ILKAP: variants seen among roughly 807,000 people sequenced by gnomAD.
The protein encoded by ILKAP is integrin-linked kinase-associated serine/threonine phosphatase 2C.
In ILKAP, 11 loss-of-function variants were observed where a neutral mutation model predicts 49.1. The observed-to-expected ratio is 0.22, with a 90% CI of 0.14 to 0.37. The LOEUF (loss-of-function observed/expected upper bound fraction) is 0.37. Among genes scored for constraint, ILKAP ranks in the 10% least tolerant of loss-of-function variants. ILKAP has a pLI of 1.00. For missense variants in ILKAP, 363 were observed against 510.8 expected (o/e 0.71, Z 2.79); for synonymous variants, 186 against 192.8 (o/e 0.96, Z 0.29).
rs536812517 is a variant in ILKAP, at chr2:238,193,298, G to A, written c.178+977C>T. On this transcript the variant is annotated intron_variant, in intron 3 of 11. Coordinates refer to ENST00000254654, the MANE Select transcript of ILKAP (RefSeq NM_030768.3). ...TGCAATGGCGTGATCTCAGCTCACT[G>A]CAACCTCTGCCTCCTGGGTTCAAGC... Among the ~76,000 whole-genome samples, 89 of 152,170 alleles carry A rather than the reference G, an allele frequency of 5.8e-4. 2 individuals are homozygous for A. In the South Asian group the frequency reaches 0.019, roughly 32 times the overall value.
rs1183041782 is a variant in ILKAP at position 238,203,648 on chromosome 2, G to A, written c.-95C>T. ...CCCGGGCGGGCGGCAGCAGCGGGCG[G>A]GCGACGGGCAGGGGCGGCCGGCGCC... On this transcript the variant is annotated 5_prime_UTR_variant, in exon 1 of 12. Coordinates refer to ENST00000254654, the MANE Select transcript of ILKAP (RefSeq NM_030768.3). The A allele has an allele frequency of 9.5e-6, 7 of 740,584 alleles. No individual in the cohort carries two copies. In the East Asian group the frequency reaches 1.6e-4, roughly 16 times the overall value. The allele number at this position is 740,584 out of a possible 1,614,324, so 45.9% of individuals were successfully genotyped here. A position where few individuals can be genotyped will look rare whatever the true frequency, so the allele number is the denominator to read the frequency against.
At chr2:238,183,582 C>G in intron 8 of ILKAP, 71 bp downstream of exon 8, 1 of 1,066,722 alleles carries the variant, frequency 9.4e-7, no homozygotes, top group Admixed American at 2.0e-5. Flanking sequence ...TCTTATTCAA[C>G]AAGTACGTGC....
chr2:238,175,929 G>A (rs915696760), intron 9 of ILKAP, among the ~76,000 whole-genome samples: 23 of 151,554 alleles, frequency 1.5e-4, no homozygotes, highest in East Asian at 5.9e-4. Context: ...GACTACAGGC[G>A]CATGCCACCA....
chr2:238,199,337 G>C (rs2106342119), intron 1 of ILKAP, among the ~76,000 whole-genome samples: 1 of 152,298 alleles, frequency 6.6e-6, no homozygotes, highest in Non-Finnish European at 1.5e-5. Flanking sequence ...TCTGATAGAA[G>C]CCAAAATCTG....
intron 1 of ILKAP, among the ~76,000 whole-genome samples, chr2:238,197,138 G>T (rs1372051474): frequency 2.0e-5 from 3 of 152,216 alleles, no homozygotes; most frequent in Non-Finnish European, 4.4e-5. Context: ...GGAGGTTGCG[G>T]TGAGCTGAGA....
intron 9 of ILKAP, among the ~76,000 whole-genome samples, chr2:238,181,114 A>ACT (rs1693674742): frequency 6.6e-6 from 1 of 152,094 alleles, no homozygotes; most frequent in Non-Finnish European, 1.5e-5. Context: ...GGTTCCAACT[A>ACT]CTCTCCAGAA....
intron 4 of ILKAP, among the ~76,000 whole-genome samples, chr2:238,189,263 CGA>C (rs1283278469): frequency 6.6e-6 from 1 of 151,382 alleles, no homozygotes; most frequent in Non-Finnish European, 1.5e-5. Context: ...TGCAGTGAGC[CGA>C]GATGGTGCCA....
chr2:238,195,761 C>T (rs1258850848), intron 1 of ILKAP, among the ~76,000 whole-genome samples: 4 of 152,088 alleles, frequency 2.6e-5, no homozygotes, highest in Admixed American at 2.0e-4. Flanking sequence ...TGCTCATTTA[C>T]GCCAGGCGCA....
At chr2:238,190,998 A>G (rs1222841287) in intron 3 of ILKAP, among the ~76,000 whole-genome samples, 1 of 151,858 alleles carries the variant, frequency 6.6e-6, no homozygotes, top group South Asian at 2.1e-4. Flanking sequence ...TCTGTCACAC[A>G]GACTAGAATG....
chr2:238,191,500 C>T (rs1242181879), intron 3 of ILKAP, among the ~76,000 whole-genome samples: 1 of 152,242 alleles, frequency 6.6e-6, no homozygotes, highest in African/African-American at 2.4e-5. Flanking sequence ...CTGCATAAGG[C>T]AACACAGATG....
rs11555870 is a variant in ILKAP, at chr2:238,182,123, G to A, written c.778C>T (p.His260Tyr). The part of the protein sequence containing the change: ...KHAALSLSKE[H>Y]NPTQYEERMR... ...CGCTCTTCATACTGAGTTGGATTAT[G>A]CTCTTTGCTGAGGCTTAAGGCTGCA... The change falls in exon 9 of 12, where the codon CAT (histidine) becomes TAT (tyrosine). Residue 260 changes from histidine (H) to tyrosine (Y), a missense_variant. Physicochemically the swap from His to Tyr is moderately conservative, Grantham distance 83 (BLOSUM62 2). Around this residue, in one of 3 missense-constraint regions of ILKAP, gnomAD observed 166 missense variants for 307.3 expected, o/e 0.54. Transcript: ENST00000254654. 6.2e-7 allele frequency: 1 copy of A among 1,613,812 alleles called. No individual in the cohort carries two copies. The highest frequency in any genetic ancestry group is 8.5e-7 in the Non-Finnish European group (1 of 1,179,782).
chr2:238,179,085 G>A (rs937753763), intron 9 of ILKAP, among the ~76,000 whole-genome samples: 1 of 152,180 alleles, frequency 6.6e-6, no homozygotes, highest in African/African-American at 2.4e-5. Flanking sequence ...TTACAGATGT[G>A]AGCCACTGCA....
intron 8 of ILKAP, among the ~76,000 whole-genome samples, chr2:238,183,365 A>T (rs72989096): frequency 0.021 from 3,250 of 152,306 alleles, 37 homozygotes; most frequent in South Asian, 0.061. Flanking sequence ...GATCCACAGC[A>T]TCACACACAC....
chr2:238,203,166 G>C (rs1479385670), intron 1 of ILKAP, among the ~76,000 whole-genome samples: 1 of 151,152 alleles, frequency 6.6e-6, no homozygotes, highest in Non-Finnish European at 1.5e-5. Context: ...GGTGCCGCCG[G>C]GCGTTCAGAG....
At chr2:238,193,754 C>T (rs1574804620) in intron 3 of ILKAP, among the ~76,000 whole-genome samples, 1 of 152,236 alleles carries the variant, frequency 6.6e-6, no homozygotes, top group East Asian at 1.9e-4. Context: ...ATCTCCCAAC[C>T]TCTCCTAACC....
rs1321212261 is a variant in ILKAP at position 238,203,234 on chromosome 2, G to A, written c.55+265C>T. Among the ~76,000 whole-genome samples, 9 of 151,154 alleles carry A rather than the reference G, an allele frequency of 6.0e-5. No homozygotes were observed. In the East Asian group the frequency reaches 7.8e-4, roughly 13 times the overall value. On this transcript the variant is annotated intron_variant, in intron 1 of 11. Transcript: ENST00000254654. ...CGGCGCCTTTCACCGCCACGCAGAGGGGCCGTGGCCACGACGGCTCGGCCC... is the reference window on the plus strand; with the variant it reads ...CGGCGCCTTTCACCGCCACGCAGAGAGGCCGTGGCCACGACGGCTCGGCCC...
At chr2:238,177,010 A>G (rs1693490350) in intron 9 of ILKAP, among the ~76,000 whole-genome samples, 1 of 152,262 alleles carries the variant, frequency 6.6e-6, no homozygotes, top group Admixed American at 6.5e-5. Flanking sequence ...CTAGGCACAC[A>G]GTACTGACAT....
chr2:238,171,798 G>A (rs974916308), intron 10 of ILKAP, among the ~76,000 whole-genome samples: 2 of 152,152 alleles, frequency 1.3e-5, no homozygotes, highest in Admixed American at 1.3e-4. Flanking sequence ...CCAAGACCGA[G>A]GCCCAAGAAG....
At chr2:238,176,474 T>C (rs924698751) in intron 9 of ILKAP, among the ~76,000 whole-genome samples, 3 of 152,230 alleles carry the variant, frequency 2.0e-5, no homozygotes, top group African/African-American at 7.2e-5. Flanking sequence ...CCAATCTGCC[T>C]GTCCCTTGGT....
Sources: allele counts gnomAD v4.1 joint callset (sites outside exome capture counted in the v4.1 genomes callset), GRCh38; gene constraint gnomAD v4.1.1; regional missense constraint gnomAD v4.1.1; transcripts MANE v1.5; gene names NCBI Gene and HGNC (gene_info 2026-07-23, HGNC 2026-07-21).